MITF: variants seen among roughly 807,000 people sequenced by gnomAD.
The protein encoded by MITF is microphthalmia-associated transcription factor.
A neutral mutation model predicts 60.5 loss-of-function variants in MITF; 17 were observed. The observed-to-expected ratio is 0.28, with a 90% confidence interval of 0.19 to 0.42. The LOEUF is 0.42. Ranked by LOEUF, MITF falls within the 10% of genes least tolerant of loss-of-function variation. The pLI is 1.00. For synonymous variants in MITF, 260 were observed against 248.5 expected, an observed-to-expected ratio of 1.05 and a Z score of -0.43; for missense variants, 622 against 683.5, an observed-to-expected ratio of 0.91 and a Z score of 1.00.
intron 1 of MITF, among the ~76,000 whole-genome samples, chr3:69,861,766 A>G (rs2064021207): frequency 6.6e-6 from 1 of 152,128 alleles, no homozygotes; most frequent in African/African-American, 2.4e-5. Context: ...TTTGGATTGA[A>G]GGGCCTTTCG....
At chr3:69,928,881 C>T (rs968118998) in intron 2 of MITF, among the ~76,000 whole-genome samples, 3 of 152,116 alleles carry the variant, frequency 2.0e-5, no homozygotes, top group African/African-American at 7.2e-5. Context: ...GGCTTCCGGC[C>T]GGTCATTTGA....
intron 7 of MITF, among the ~76,000 whole-genome samples, chr3:69,955,220 T>C (rs1025196898): frequency 7.2e-5 from 11 of 152,166 alleles, no homozygotes; most frequent in Admixed American, 2.6e-4. Flanking sequence ...GTCCAAATTG[T>C]GACGTAAAAC....
At chr3:69,781,271 TG>T (rs1393444572) in intron 1 of MITF, among the ~76,000 whole-genome samples, 1 of 152,194 alleles carries the variant, frequency 6.6e-6, no homozygotes, top group Non-Finnish European at 1.5e-5. Context: ...TTGTTAATGT[TG>T]GGTCCATAAT....
intron 1 of MITF, among the ~76,000 whole-genome samples, chr3:69,787,429 G>A (rs977695716): frequency 3.9e-5 from 6 of 152,142 alleles, no homozygotes; most frequent in Admixed American, 1.3e-4. Flanking sequence ...ATGAATAAAC[G>A]ACTAGATCAA....
intron 1 of MITF, among the ~76,000 whole-genome samples, chr3:69,777,751 CAT>C (rs1303670141): frequency 6.6e-6 from 1 of 152,104 alleles, no homozygotes; most frequent in African/African-American, 2.4e-5. Flanking sequence ...TAGGCATGTG[CAT>C]ATCTCTGATA....
intron 3 of MITF, chr3:69,938,567 AG>A: frequency 7.2e-7 from 1 of 1,396,234 alleles, no homozygotes; most frequent in South Asian, 1.8e-5. Context: ...GGAAACGCAA[AG>A]GTTTAATTGC....
intron 1 of MITF, among the ~76,000 whole-genome samples, chr3:69,840,805 G>GT (rs1179483447): frequency 6.7e-6 from 1 of 150,294 alleles, no homozygotes; most frequent in Non-Finnish European, 1.5e-5. Flanking sequence ...CTAGGCTGGA[G>GT]TGCAGTGCTG....
chr3:69,908,123 A>G (rs1268775453), intron 2 of MITF, among the ~76,000 whole-genome samples: 1 of 152,208 alleles, frequency 6.6e-6, no homozygotes, highest in Non-Finnish European at 1.5e-5. Context: ...CTAGATGGAT[A>G]CATGAGACAG....
At chr3:69,839,745 G>C (rs2063601333) in intron 1 of MITF, among the ~76,000 whole-genome samples, 1 of 150,116 alleles carries the variant, frequency 6.7e-6, no homozygotes, top group Non-Finnish European at 1.5e-5. Flanking sequence ...GAAAGAAACC[G>C]ATATTTAAAA....
At chr3:69,754,237 G>A (rs1256713233) in intron 1 of MITF, among the ~76,000 whole-genome samples, 1 of 149,060 alleles carries the variant, frequency 6.7e-6, no homozygotes, top group Non-Finnish European at 1.5e-5. Context: ...TTTTTTTTGA[G>A]ACAGAGTCTC....
rs141198247 is a variant in MITF, at chr3:69,933,827, A to G, written c.355-3995A>G. Among the ~76,000 whole-genome samples the G allele has an allele frequency of 2.5e-3, 382 of 152,280 alleles. 2 individuals carry two copies. The highest frequency in any genetic ancestry group is 5.6e-3 in the African/African-American group (232 of 41,554). The stretch of plus-strand genomic sequence containing the variant: ...GTTTCTGTCCTCTTTAATGCTACAT[A>G]TATGTTCTCATTTGCATACTTCTTT... On this transcript the variant is annotated intron_variant, in intron 2 of 9. Transcript: ENST00000352241.
chr3:69,913,706 T>A (rs2065272094), intron 2 of MITF, among the ~76,000 whole-genome samples: 1 of 152,150 alleles, frequency 6.6e-6, no homozygotes, highest in African/African-American at 2.4e-5. Context: ...AGTTCCCTGG[T>A]TGCATGGGTG....
intron 2 of MITF, among the ~76,000 whole-genome samples, chr3:69,931,095 A>G (rs528742415): frequency 4.6e-5 from 7 of 152,212 alleles, no homozygotes; most frequent in Non-Finnish European, 1.0e-4. Flanking sequence ...GTTATTCCAC[A>G]TATCTTTCTT....
intron 1 of MITF, among the ~76,000 whole-genome samples, chr3:69,840,298 T>G (rs2063612068): frequency 6.6e-6 from 1 of 152,200 alleles, no homozygotes. Flanking sequence ...GGTGAACCAC[T>G]GTGAGGTTTG....
At chr3:69,806,991 G>A (rs1296656856) in intron 1 of MITF, among the ~76,000 whole-genome samples, 1 of 152,158 alleles carries the variant, frequency 6.6e-6, no homozygotes, top group Admixed American at 6.5e-5. Flanking sequence ...ATTCATTCCT[G>A]TCTAGTTCCC....
chr3:69,951,192 G>T (rs967608871), intron 6 of MITF, among the ~76,000 whole-genome samples: 1 of 150,678 alleles, frequency 6.6e-6, no homozygotes, highest in African/African-American at 2.4e-5. Context: ...CGACCTCCTG[G>T]GCTCAAGTGA....
chr3:69,828,872 G>A (rs977603071), intron 1 of MITF, among the ~76,000 whole-genome samples: 2 of 131,328 alleles, frequency 1.5e-5, no homozygotes, highest in Admixed American at 7.2e-5. Context: ...AGGAAGCAGA[G>A]CTTTATTTTT....
At chr3:69,794,228 T>C (rs2062791307) in intron 1 of MITF, among the ~76,000 whole-genome samples, 1 of 152,232 alleles carries the variant, frequency 6.6e-6, no homozygotes, top group Non-Finnish European at 1.5e-5. Flanking sequence ...GTGAGCTATA[T>C]ATATAATTAT....
In MITF at chr3:69,939,168, C is replaced by A. The variant is rs182533927; in HGVS notation, c.653C>A (p.Ala218Glu). The A allele has an allele frequency of 6.2e-7, 1 of 1,614,006 alleles. No homozygotes were observed. The highest frequency in any genetic ancestry group is 2.2e-5 in the East Asian group (1 of 44,838). ...ECPGMNTHSR[A>E]SCMQMDDVID... The stretch of plus-strand genomic sequence containing the variant: ...CCAGGCATGAACACACATTCACGAG[C>A]GTCCTGTATGCAGGTACTGAATGAC... Residue 218 changes from alanine (A) to glutamate (E), a missense_variant, in exon 4 of 10, where the codon GCG becomes GAG. Transcript: ENST00000352241.
Sources: gnomAD v4.1 joint callset for allele counts (sites outside exome capture counted in the v4.1 genomes callset) on GRCh38, gnomAD v4.1.1 for gene constraint, MANE v1.5 for transcripts, NCBI Gene and HGNC (gene_info 2026-07-23, HGNC 2026-07-21) for gene names.